Variants in LCOR observed in about 807,000 individuals in gnomAD.
LCOR encodes the protein ligand-dependent corepressor.
Under a neutral mutation model 64.4 loss-of-function variants are expected in LCOR, and 14 were observed. The observed-to-expected ratio is 0.22, with a 90% CI of 0.14 to 0.34. The LOEUF is 0.34. LCOR is among the 10% of genes least tolerant of loss of function. LCOR has a pLI of 1.00. For missense variants in LCOR, 1,686 were observed against 1,765.3 expected, an observed-to-expected ratio of 0.96 and a Z score of 0.80; for synonymous variants, 643 against 642.5, an observed-to-expected ratio of 1.00 and a Z score of -0.01.
chr10:96,940,014 T>C (rs865959873), intron 4 of LCOR, among the ~76,000 whole-genome samples: 1 of 152,220 alleles, frequency 6.6e-6, no homozygotes, highest in Non-Finnish European at 1.5e-5. Context: ...GAAGGTATAA[T>C]GTGCCAATAA....
chr10:96,979,659 G>A (rs1336271972), intron 7 of LCOR, among the ~76,000 whole-genome samples: 3 of 152,160 alleles, frequency 2.0e-5, no homozygotes, highest in Admixed American at 6.5e-5. Context: ...GCAGTGACAG[G>A]CCTGTACAGT....
At chr10:96,876,518 T>TA (rs1426283629) in intron 2 of LCOR, among the ~76,000 whole-genome samples, 5 of 152,214 alleles carry the variant, frequency 3.3e-5, no homozygotes, top group African/African-American at 1.2e-4. Context: ...AAAAGCCATA[T>TA]AATTAAAAAG....
intron 2 of LCOR, among the ~76,000 whole-genome samples, chr10:96,886,366 A>T (rs1219863720): frequency 6.6e-6 from 1 of 152,218 alleles, no homozygotes; most frequent in African/African-American, 2.4e-5. Context: ...TAGCATTTCT[A>T]ATCTGAAATC....
rs1005282988 is a variant in LCOR, at chr10:96,986,702, C to T, written c.*1568C>T. The T allele has an allele frequency of 6.6e-6, 1 of 152,068 alleles. No individual in the cohort carries two copies. The highest frequency in any genetic ancestry group is 1.5e-5 in the Non-Finnish European group (1 of 67,978). 9.4% of individuals were successfully genotyped at this position (152,068 alleles called of 1,614,324 possible). ...TGTACTTGACTTTTCCATTGGGCCG[C>T]TCTACAAAAAAAGGCTTGGTTGTTG... On this transcript the variant is annotated 3_prime_UTR_variant, in exon 8 of 8. Coordinates refer to ENST00000421806, the MANE Select transcript of LCOR (RefSeq NM_001346516.2).
chr10:96,835,088 A>C (rs1039153856), intron 2 of LCOR, among the ~76,000 whole-genome samples: 2 of 152,076 alleles, frequency 1.3e-5, no homozygotes, highest in African/African-American at 4.8e-5. Context: ...TTTGGTAGAG[A>C]CGGGGTTTCA....
At chr10:96,881,713 T>C (rs1846266106) in intron 2 of LCOR, among the ~76,000 whole-genome samples, 1 of 152,182 alleles carries the variant, frequency 6.6e-6, no homozygotes, top group South Asian at 2.1e-4. Context: ...CATCTCAGCC[T>C]CCCAAAGTGT....
At chr10:96,911,556 G>T (rs534995304) in intron 4 of LCOR, among the ~76,000 whole-genome samples, 22 of 152,334 alleles carry the variant, frequency 1.4e-4, no homozygotes, top group African/African-American at 5.1e-4. Flanking sequence ...AACAGTAGGA[G>T]CAGGAACATG....
intron 4 of LCOR, among the ~76,000 whole-genome samples, chr10:96,934,385 T>C (rs1847312647): frequency 1.3e-5 from 2 of 151,840 alleles, no homozygotes; most frequent in Admixed American, 1.3e-4. Context: ...AAGGAGAGAG[T>C]TTTTAAAAAG....
At chr10:96,940,303 ATTTTTTTTTTTTTTTTT>A (rs552752409) in intron 4 of LCOR, among the ~76,000 whole-genome samples, 137 of 65,460 alleles carry the variant, frequency 2.1e-3, no homozygotes, top group African/African-American at 8.0e-3. Context: ...GGTGGTCATG[ATTTTTTTTTTTTTTTTT>A]TTTTTTTTTT....
At chr10:96,965,548 G>C (rs1451313321) in intron 7 of LCOR, among the ~76,000 whole-genome samples, 1 of 149,960 alleles carries the variant, frequency 6.7e-6, no homozygotes, top group Non-Finnish European at 1.5e-5. Context: ...TGTAGTCCCA[G>C]CTACTCGGGA....
intron 2 of LCOR, among the ~76,000 whole-genome samples, chr10:96,854,933 C>T (rs951170792): frequency 6.6e-6 from 1 of 152,166 alleles, no homozygotes; most frequent in African/African-American, 2.4e-5. Flanking sequence ...ACCTTTCCTA[C>T]TGAATATCTT....
chr10:96,864,564 T>G (rs1229822967), intron 2 of LCOR, among the ~76,000 whole-genome samples: 1 of 152,198 alleles, frequency 6.6e-6, no homozygotes, highest in Non-Finnish European at 1.5e-5. Flanking sequence ...GGACATCAGT[T>G]ACACAAGGAA....
intron 2 of LCOR, among the ~76,000 whole-genome samples, chr10:96,905,533 T>C (rs1846712798): frequency 6.6e-6 from 1 of 152,134 alleles, no homozygotes; most frequent in Admixed American, 6.5e-5. Flanking sequence ...ATATCTGATC[T>C]CCAGGGCCAA....
At chr10:96,932,368 AAG>A (rs1019183533) in intron 4 of LCOR, among the ~76,000 whole-genome samples, 8 of 152,190 alleles carry the variant, frequency 5.3e-5, no homozygotes, top group African/African-American at 1.9e-4. Flanking sequence ...AAAACTATAT[AAG>A]AACAATAAAC....
rs746469489 is a variant in LCOR at position 96,949,289 on chromosome 10, G to A, written c.232G>A (p.Glu78Lys). ...CAGAAAGTCTCAGTCAGAACCTAGC[G>A]AACAAGGTATGGTTTGATGTCAAGG... Reference protein sequence around the residue: ...TVRKSQSEPSEQDGVLDLSTK... With the variant: ...TVRKSQSEPSKQDGVLDLSTK... The change falls in exon 6 of 8, where the codon GAA becomes AAA. Residue 78 changes from glutamate (E) to lysine (K), a missense_variant. Physicochemically the swap from Glu to Lys is moderately conservative, Grantham distance 56. Transcript: ENST00000421806. The A allele has an allele frequency of 4.3e-6, 7 of 1,613,656 alleles. No individual in the cohort carries two copies. The highest frequency in any genetic ancestry group is 5.9e-6 in the Non-Finnish European group (7 of 1,179,920).
rs1848205584 is a variant in LCOR, at chr10:96,992,076, A to C, written c.*6942A>C. 2 of 152,192 alleles carry C rather than the reference A, an allele frequency of 1.3e-5. No homozygotes were observed. The highest frequency in any genetic ancestry group is 4.1e-4 in the South Asian group (2 of 4,830). The allele number at this position is 152,192 out of a possible 1,614,324, so 9.4% of individuals were successfully genotyped here. ...GTATTTGGGAGCTAATTTTTGGGAA[A>C]GAGACTATACCAACAAGATTTGCAT... On this transcript the variant is annotated 3_prime_UTR_variant, in exon 8 of 8. Transcript: ENST00000421806.
chr10:96,951,863 T>A (rs888576428), intron 6 of LCOR, among the ~76,000 whole-genome samples: 1 of 152,210 alleles, frequency 6.6e-6, no homozygotes, highest in Non-Finnish European at 1.5e-5. Context: ...TTCAGTAACA[T>A]GTTTTACCTT....
At chr10:96,975,445 T>A (rs1351844363) in intron 7 of LCOR, among the ~76,000 whole-genome samples, 2 of 152,030 alleles carry the variant, frequency 1.3e-5, no homozygotes, top group African/African-American at 4.8e-5. Context: ...GTAAATATCT[T>A]AATATGTATA....
At chr10:96,833,164 T>TGGGACC (rs1845376279) in intron 1 of LCOR, 1 of 976,872 alleles carries the variant, frequency 1.0e-6, no homozygotes, top group Non-Finnish European at 1.2e-6. Flanking sequence ...GAGGAGGGGG[T>TGGGACC]GGGACCGGGT....
Sources: allele counts gnomAD v4.1 joint callset (sites outside exome capture counted in the v4.1 genomes callset), GRCh38; gene constraint gnomAD v4.1.1; transcripts MANE v1.5; gene names NCBI Gene and HGNC (gene_info 2026-07-23, HGNC 2026-07-21).